Variants in PKD1L3 observed in about 807,000 individuals in gnomAD.
PKD1L3 encodes polycystin-1-like protein 3.
A neutral mutation model predicts 184.1 loss-of-function variants in PKD1L3; 239 were observed. That is an observed-to-expected ratio of 1.30 (90% CI 1.17 to 1.45). The LOEUF is 1.45. Ranked by LOEUF, PKD1L3 falls within the 40% of genes most tolerant of loss-of-function variation. The probability of loss-of-function intolerance (pLI) is 0.00; values close to 1 mark genes in which losing one functional copy is unlikely to be tolerated. For missense variants in PKD1L3, 2,660 were observed against 2,067.2 expected (o/e 1.29, Z -5.56); for synonymous variants, 996 against 778.8 (o/e 1.28, Z -4.64).
chr16:71,986,789 C>T (rs2040384949), intron 4 of PKD1L3, among the ~76,000 whole-genome samples: 1 of 152,058 alleles, frequency 6.6e-6, no homozygotes, highest in African/African-American at 2.4e-5. Flanking sequence ...TGTCGAGCCC[C>T]TGTGTTAGTG....
intron 21 of PKD1L3, among the ~76,000 whole-genome samples, chr16:71,949,556 T>G (rs558988231): frequency 1.1e-4 from 16 of 152,196 alleles, no homozygotes; most frequent in Admixed American, 9.8e-4. Context: ...TTTCATCATG[T>G]TGCCCAGGCT....
In PKD1L3 at chr16:71,951,861, G is replaced by T. The variant is rs955685463; in HGVS notation, c.3010-117C>A. On this transcript the variant is annotated intron_variant, in intron 18 of 29. Transcript: ENST00000620267. Reference sequence around the variant, plus strand: ...CAGAAGGGGATATGCTTAGCACAAAGAACCTCAATTTTTCATGTTCCTCTA... The same window carrying T: ...CAGAAGGGGATATGCTTAGCACAAATAACCTCAATTTTTCATGTTCCTCTA... 5 of 903,976 alleles carry T rather than the reference G, an allele frequency of 5.5e-6. No homozygotes were observed. In the East Asian group the frequency reaches 1.4e-4, roughly 25 times the overall value. The allele number at this position is 903,976 out of a possible 1,614,324, so 56.0% of individuals were successfully genotyped here.
intron 28 of PKD1L3, 166 bp from the exon 29 acceptor site, chr16:71,930,349 CAG>C (rs1474363294): frequency 1.7e-6 from 1 of 602,986 alleles, no homozygotes; most frequent in Non-Finnish European, 2.6e-6. Flanking sequence ...TTTAAATGGA[CAG>C]AAGAGCAGGA....
In PKD1L3 at chr16:71,942,924, G is replaced by T. The variant is rs369693240; in HGVS notation, c.3960C>A (p.His1320Gln). The change falls in exon 24 of 30, where the codon CAC becomes CAA. Residue 1320 changes from histidine (H) to glutamine (Q), a missense_variant. Coordinates refer to ENST00000620267, the MANE Select transcript of PKD1L3 (RefSeq NM_181536.2). ...LHQAIWKTFS[H>Q]QFSEIKLLQD... ...GAAGAAGTTTGATTTCCGAGAACTG[G>T]TGCGAAAATGTCTTCCAGATAGCTT... 4 of 1,551,526 alleles carry T rather than the reference G, an allele frequency of 2.6e-6. No homozygotes were observed. The Admixed American group carries it at 7.8e-5, about 30-fold the overall frequency.
chr16:71,968,875 C>T (rs1007151705), intron 13 of PKD1L3, among the ~76,000 whole-genome samples: 25 of 151,546 alleles, frequency 1.6e-4, no homozygotes, highest in African/African-American at 5.6e-4. Context: ...GGATTATAGG[C>T]GTGAGCCACT....
intron 2 of PKD1L3, among the ~76,000 whole-genome samples, chr16:71,996,421 T>C (rs1328283203): frequency 5.3e-5 from 8 of 151,652 alleles, no homozygotes; most frequent in Non-Finnish European, 8.8e-5. Flanking sequence ...CCACCACGCC[T>C]GGCTAATTTT....
intron 28 of PKD1L3, among the ~76,000 whole-genome samples, chr16:71,932,353 G>T (rs1366517938): frequency 1.3e-5 from 2 of 152,182 alleles, no homozygotes; most frequent in East Asian, 3.8e-4. Context: ...AGGAAGGCAG[G>T]GATTTCTGTT....
At chr16:71,983,722 A>G (rs1597364990) in intron 6 of PKD1L3, among the ~76,000 whole-genome samples, 2 of 112,732 alleles carry the variant, frequency 1.8e-5, no homozygotes, top group African/African-American at 6.9e-5. Flanking sequence ...GCTGGAGTGG[A>G]GTGGCGGGAT....
rs760398358 is a variant in PKD1L3 at position 71,988,285 on chromosome 16, C to T, written c.586-1816G>A. On this transcript the variant is annotated intron_variant, in intron 4 of 29. Coordinates refer to ENST00000620267, the MANE Select transcript of PKD1L3 (RefSeq NM_181536.2). ...TCTTGGCTCACCGCAACCTCCACCT[C>T]CCAGGTTCAAGGAATTCTTCTGCCT... is the stretch of plus-strand genomic sequence containing the variant. Among the ~76,000 whole-genome samples, 140 of 152,194 alleles carry T rather than the reference C, an allele frequency of 9.2e-4. 1 individual carries two copies. Among genetic ancestry groups the T allele is most frequent in the Non-Finnish European group, 2.8e-4 (19 of 68,038 alleles).
chr16:71,990,658 T>A (rs1322478530), intron 3 of PKD1L3, among the ~76,000 whole-genome samples: 1 of 151,898 alleles, frequency 6.6e-6, no homozygotes, highest in Non-Finnish European at 1.5e-5. Context: ...TGTTTGAACC[T>A]GGGAGGCAGA....
chr16:71,943,749 G>A (rs896158350), intron 23 of PKD1L3, among the ~76,000 whole-genome samples: 8 of 152,234 alleles, frequency 5.3e-5, no homozygotes, highest in African/African-American at 1.9e-4. Flanking sequence ...AGAGCCATCT[G>A]CCAAAGCATT....
At chr16:71,955,764 G>A (rs1440110970) in intron 16 of PKD1L3, among the ~76,000 whole-genome samples, 1 of 152,146 alleles carries the variant, frequency 6.6e-6, no homozygotes, top group African/African-American at 2.4e-5. Flanking sequence ...CCCCCATCCT[G>A]TTCTTGTGAT....
In PKD1L3 at chr16:71,933,420, C is replaced by T. The variant is rs2038060785; in HGVS notation, c.4926G>A (p.Glu1642=). 6.5e-7 allele frequency: 1 copy of T among 1,535,668 alleles called. No homozygotes were observed. The change falls in exon 28 of 30, where the codon GAG becomes GAA. Residue 1642 remains glutamate, a splice_region_variant and synonymous_variant. Transcript: ENST00000620267. ...GLLMGISHQE[E]VFALDPVLGT... ...TGAGGAAACAAATTATTATTTTTAC[C>T]TCCTCTTGGTGAGAAATTCCCATCA...
intron 12 of PKD1L3, 121 bp downstream of exon 12, chr16:71,973,199 GCAGA>G: frequency 2.5e-6 from 3 of 1,186,144 alleles, no homozygotes; most frequent in Non-Finnish European, 3.5e-6. Context: ...TTTTGCCCAG[GCAGA>G]GTTATTTCAA....
chr16:71,934,205 T>C (rs2038094771), intron 26 of PKD1L3, 80 bp from the exon 27 acceptor site: 1 of 1,343,638 alleles, frequency 7.4e-7, no homozygotes, highest in South Asian at 1.3e-5. Context: ...CTGCTGCTGA[T>C]CGTGGCAGCC....
At chr16:71,954,344 C>G (rs2038967129) in intron 16 of PKD1L3, 43 bp from the exon 17 acceptor site, 1 of 1,427,114 alleles carries the variant, frequency 7.0e-7, no homozygotes, top group South Asian at 1.4e-5. Flanking sequence ...AGATTTTATT[C>G]TGAAAGTGCA....
chr16:71,975,048 T>A (rs2039867169), intron 11 of PKD1L3, among the ~76,000 whole-genome samples: 1 of 152,068 alleles, frequency 6.6e-6, no homozygotes, highest in Non-Finnish European at 1.5e-5. Context: ...GCACTATTTA[T>A]ATATATCAGG....
intron 22 of PKD1L3, 86 bp downstream of exon 22, chr16:71,947,406 A>T: frequency 1.2e-6 from 1 of 847,926 alleles, no homozygotes; most frequent in African/African-American, 1.7e-5. Context: ...AGTCCTTTGA[A>T]TGGGTTAATT....
At chr16:71,957,279 G>C (rs2039084040) in intron 16 of PKD1L3, among the ~76,000 whole-genome samples, 1 of 151,988 alleles carries the variant, frequency 6.6e-6, no homozygotes, top group African/African-American at 2.4e-5. Context: ...AAAAAAGGCA[G>C]TGATAAAGAA....
Sources: gnomAD v4.1 joint callset for allele counts (sites outside exome capture counted in the v4.1 genomes callset) on GRCh38, gnomAD v4.1.1 for gene constraint, MANE v1.5 for transcripts, NCBI Gene and HGNC (gene_info 2026-07-23, HGNC 2026-07-21) for gene names.